The following REXO1 variants were observed in gnomAD, a reference collection of about 807,000 sequenced individuals.
The protein encoded by REXO1 is RNA exonuclease 1 homolog, also known as REX1, RNA exonuclease 1 homolog.
In REXO1, 42 loss-of-function variants were observed where a neutral mutation model predicts 102.6. The observed-to-expected ratio is 0.41, with a 90% CI of 0.32 to 0.53. The LOEUF is 0.53. REXO1 is among the 20% of genes least tolerant of loss of function. The pLI is 0.27. For missense variants in REXO1, 1,819 were observed against 1,732.5 expected (o/e 1.05, Z -0.89); for synonymous variants, 908 against 779.1 (o/e 1.17, Z -2.76).
In REXO1 at chr19:1,817,733, C is replaced by G; in HGVS notation, c.3064G>C (p.Gly1022Arg). The G allele has an allele frequency of 6.2e-7, 1 of 1,612,216 alleles. No homozygotes were observed. Residue 1022 changes from glycine (G) to arginine (R), a missense_variant, in exon 11 of 16, where the codon GGC becomes CGC. By Grantham distance (125) the Gly-to-Arg change is moderately radical. Transcript: ENST00000170168. ...TTTGCGACTTGGCAGCCGACAGAGC[C>G]GGCGGCAGCCGAGCAGCACATGTAC... ...TQYMCCSAAA[G>R]SVGCQVAKQH...
Position 1,820,284 on chromosome 19 carries a change from T to A in REXO1, c.2506A>T (p.Asn836Tyr), listed in dbSNP as rs758688751. ...IEECLKFCTS[N>Y]QEAIEKALNE... ...CTCACCTTCTCTATGGCCTCCTGGT[T>A]GGAGGTACAGAACTTGAGACACTCC... Residue 836 changes from asparagine to tyrosine, a missense_variant, in exon 6 of 16, where the codon AAC (asparagine) becomes TAC (tyrosine). Asn to Tyr is a moderately radical substitution (Grantham distance 143). Transcript: ENST00000170168. 3.1e-6 allele frequency: 5 copies of A among 1,613,444 alleles called. No homozygotes were observed. In the East Asian group the frequency reaches 8.9e-5, roughly 29 times the overall value.
Position 1,827,780 on chromosome 19 carries a change from T to C in REXO1, c.1009A>G (p.Thr337Ala). The change falls in exon 2 of 16, where the codon ACC becomes GCC. Residue 337 changes from threonine to alanine, a missense_variant. Transcript: ENST00000170168. ...TCGCACTGCACGGCCGTCTCCTTGGTCTCCCGCAGGCCGCCCCCCTCGGCC... is the reference window on the plus strand; with the variant it reads ...TCGCACTGCACGGCCGTCTCCTTGGCCTCCCGCAGGCCGCCCCCCTCGGCC... The part of the protein sequence containing the change: ...LEAEGGGLRE[T>A]KETAVQCDVG... The C allele has an allele frequency of 1.3e-6, 2 of 1,583,862 alleles. No individual in the cohort carries two copies. Among genetic ancestry groups the C allele is most frequent in the Admixed American group, 1.8e-5 (1 of 54,310 alleles).
intron 1 of REXO1, among the ~76,000 whole-genome samples, chr19:1,828,969 C>A (rs1442327168): frequency 6.6e-6 from 1 of 152,270 alleles, no homozygotes; most frequent in East Asian, 1.9e-4. Flanking sequence ...CTGGAACTCC[C>A]CGGGGCAGGC....
At chr19:1,835,874 G>A (rs2070024742) in intron 1 of REXO1, among the ~76,000 whole-genome samples, 1 of 152,162 alleles carries the variant, frequency 6.6e-6, no homozygotes, top group African/African-American at 2.4e-5. Context: ...TCCAGCCAGG[G>A]CTCAGCCCAG....
chr19:1,832,161 T>C (rs992000566), intron 1 of REXO1, among the ~76,000 whole-genome samples: 3 of 151,990 alleles, frequency 2.0e-5, no homozygotes, highest in African/African-American at 7.3e-5. Flanking sequence ...GCTGTGGGTT[T>C]GAAGGGGAGG....
rs763340470 is a variant in REXO1, at chr19:1,828,404, G to A, written c.385C>T (p.Pro129Ser). Residue 129 changes from proline (P) to serine (S), a missense_variant, in exon 2 of 16, where the codon CCC becomes TCC. Transcript: ENST00000170168. ...GTGGGGCTGGCGTTGGGGCCGCGGG[G>A]CGCCAGGGCGGGGGCCTCGGCGGAG... ...HRSAEAPALA[P>S]RGPNASPTVG... 2 of 1,607,584 alleles carry A rather than the reference G, an allele frequency of 1.2e-6. No individual in the cohort carries two copies. Among genetic ancestry groups the A allele is most frequent in the South Asian group, 2.2e-5 (2 of 90,714 alleles).
At chr19:1,817,379 G>A (rs191983967) in intron 11 of REXO1, 50 bp from the exon 12 acceptor site, 50 of 1,601,464 alleles carry the variant, frequency 3.1e-5, no homozygotes, top group African/African-American at 2.8e-4. Context: ...CAGTGGGGGC[G>A]GGGGTGGCAG....
intron 1 of REXO1, among the ~76,000 whole-genome samples, chr19:1,847,646 G>A (rs568581744): frequency 6.6e-6 from 1 of 152,370 alleles, no homozygotes; most frequent in South Asian, 2.1e-4. Context: ...GCCCACTCGA[G>A]TAAGCTTTGA....
intron 1 of REXO1, among the ~76,000 whole-genome samples, chr19:1,839,439 AC>A (rs1205964355): frequency 6.7e-4 from 102 of 152,250 alleles, no homozygotes; most frequent in African/African-American, 2.2e-3. Flanking sequence ...TGGAGTGGGC[AC>A]CTCCACGGGG....
At chr19:1,819,884 C>A in intron 7 of REXO1, 50 bp downstream of exon 7, 1 of 1,503,442 alleles carries the variant, frequency 6.7e-7, no homozygotes, top group Non-Finnish European at 8.9e-7. Flanking sequence ...AGCCCAGCTG[C>A]CACCCCAAGA....
In REXO1 at chr19:1,828,613, T is replaced by C; in HGVS notation, c.176A>G (p.Tyr59Cys). Residue 59 changes from tyrosine to cysteine, a missense_variant, in exon 2 of 16, where the codon TAC (tyrosine) becomes TGC (cysteine). Physicochemically the swap from Tyr to Cys is radical, Grantham distance 194. Transcript: ENST00000170168. ...PPAAGLGYDP[Y>C]NPELPKPPAQ... ...GGGGGGCTTGGGCAGCTCAGGGTTG[T>C]AGGGGTCGTAACCCAGCCCTGAAGG... 6.2e-7 allele frequency: 1 copy of C among 1,600,846 alleles called. No individual in the cohort carries two copies. Among genetic ancestry groups the C allele is most frequent in the Non-Finnish European group, 8.5e-7 (1 of 1,179,422 alleles).
intron 4 of REXO1, 29 bp downstream of exon 4, chr19:1,823,543 C>T (rs906202289): frequency 4.7e-5 from 60 of 1,279,218 alleles, no homozygotes; most frequent in African/African-American, 6.2e-5. Flanking sequence ...CACGGCCCCC[C>T]GGCACAGGCC....
At chr19:1,825,787 T>TAAAA (rs59277540) in intron 3 of REXO1, 52 bp downstream of exon 3, 94 of 995,700 alleles carry the variant, frequency 9.4e-5, no homozygotes, top group East Asian at 1.6e-4. Context: ...ACCTCGTCTT[T>TAAAA]AAAAAAAAAA....
rs539515135 is a variant in REXO1, at chr19:1,848,249, C to A, written c.110G>T (p.Arg37Leu). The A allele has an allele frequency of 4.1e-5, 50 of 1,228,756 alleles. No individual in the cohort carries two copies. In the African/African-American group the frequency reaches 7.2e-4, roughly 18 times the overall value. 76.1% of individuals were successfully genotyped at this position (1,228,756 alleles called of 1,614,324 possible). ...GCCGTCACCGGGCGCGCCGGAGCCC[C>A]GGGCCCCGCGGTGCCGGAAGTGGCA... ...PYCHFRHRGA[R>L]GSGAPGDGGE... The change falls in exon 1 of 16, where the codon CGG (arginine) becomes CTG (leucine). Residue 37 changes from arginine (R) to leucine (L), a missense_variant. Transcript: ENST00000170168.
At chr19:1,846,750 C>G (rs932637887) in intron 1 of REXO1, among the ~76,000 whole-genome samples, 1 of 152,100 alleles carries the variant, frequency 6.6e-6, no homozygotes, top group Non-Finnish European at 1.5e-5. Context: ...GTTAGCCAGG[C>G]TTGGTGGCAC....
intron 1 of REXO1, among the ~76,000 whole-genome samples, chr19:1,835,735 C>G (rs2070021122): frequency 6.6e-6 from 1 of 152,154 alleles, no homozygotes; most frequent in Admixed American, 6.5e-5. Flanking sequence ...ACAGGAAAAG[C>G]CTACCTCCAG....
At chr19:1,830,543 T>C (rs930996355) in intron 1 of REXO1, among the ~76,000 whole-genome samples, 16 of 152,186 alleles carry the variant, frequency 1.1e-4, no homozygotes, top group Non-Finnish European at 1.0e-4. Context: ...CTGAATGTAA[T>C]TCCGTAACAT....
intron 3 of REXO1, 60 bp downstream of exon 3, chr19:1,825,779 C>G (rs2069698081): frequency 1.6e-6 from 2 of 1,243,928 alleles, no homozygotes; most frequent in Middle Eastern, 2.2e-4. Flanking sequence ...CCAGGCCAAC[C>G]TCGTCTTTAA....
At chr19:1,821,747 C>A in intron 4 of REXO1, 65 bp from the exon 5 acceptor site, 3 of 1,478,432 alleles carry the variant, frequency 2.0e-6, no homozygotes, top group Non-Finnish European at 2.7e-6. Context: ...GGCGGAGCAC[C>A]AGGCAGCCGC....
Sources: gnomAD v4.1 joint callset for allele counts (sites outside exome capture counted in the v4.1 genomes callset) on GRCh38, gnomAD v4.1.1 for gene constraint, MANE v1.5 for transcripts, NCBI Gene and HGNC (gene_info 2026-07-23, HGNC 2026-07-21) for gene names.